The following PPP4R4 variants were observed in gnomAD, a reference collection of about 807,000 sequenced individuals.
PPP4R4 encodes the protein serine/threonine-protein phosphatase 4 regulatory subunit 4.
In PPP4R4, 70 loss-of-function variants were observed where a neutral mutation model predicts 121.8. The ratio of observed to expected loss-of-function variants is 0.57; its 90% CI spans 0.47 to 0.70. The LOEUF is 0.70. PPP4R4 is among the 30% of genes least tolerant of loss of function. PPP4R4 has a pLI of 0.00. For missense variants in PPP4R4, 875 were observed against 1,033.6 expected, an observed-to-expected ratio of 0.85 and a Z score of 2.10; for synonymous variants, 348 against 355.7, an observed-to-expected ratio of 0.98 and a Z score of 0.24.
At chr14:94,255,901 C>G (rs1398601126) in intron 16 of PPP4R4, among the ~76,000 whole-genome samples, 1 of 152,192 alleles carries the variant, frequency 6.6e-6, no homozygotes, top group Non-Finnish European at 1.5e-5. Context: ...ATTTACCACT[C>G]TGAGCTCTCC....
intron 2 of PPP4R4, among the ~76,000 whole-genome samples, chr14:94,181,254 AAGAG>A (rs934416640): frequency 3.3e-5 from 5 of 151,734 alleles, no homozygotes; most frequent in South Asian, 2.1e-4. Flanking sequence ...GAGAGAGAGA[AAGAG>A]AGAGGAAGAG....
intron 2 of PPP4R4, among the ~76,000 whole-genome samples, chr14:94,187,974 G>C (rs1342745629): frequency 6.6e-6 from 1 of 152,136 alleles, no homozygotes; most frequent in East Asian, 1.9e-4. Flanking sequence ...GGAAATACCT[G>C]CCAGGTTTCT....
At chr14:94,185,421 C>T (rs924981455) in intron 2 of PPP4R4, among the ~76,000 whole-genome samples, 4 of 152,080 alleles carry the variant, frequency 2.6e-5, no homozygotes, top group African/African-American at 4.8e-5. Context: ...GTGGGAGGAT[C>T]GCTTGCGCTC....
At chr14:94,209,609 T>G (rs1890637377) in intron 3 of PPP4R4, among the ~76,000 whole-genome samples, 1 of 152,096 alleles carries the variant, frequency 6.6e-6, no homozygotes, top group Admixed American at 6.6e-5. Flanking sequence ...TTATATCTGT[T>G]TTTCCCAGAA....
intron 2 of PPP4R4, among the ~76,000 whole-genome samples, chr14:94,194,237 T>C (rs1294943553): frequency 6.6e-6 from 1 of 152,332 alleles, no homozygotes; most frequent in Non-Finnish European, 1.5e-5. Context: ...TAGCCACTAG[T>C]GTACAGATTA....
chr14:94,270,098 T>A (rs1894249304), intron 23 of PPP4R4, among the ~76,000 whole-genome samples: 1 of 152,282 alleles, frequency 6.6e-6, no homozygotes, highest in East Asian at 1.9e-4. Flanking sequence ...AAATCAAAAC[T>A]GTTCTGAAAA....
At chr14:94,267,611 G>T (rs1161373876) in intron 23 of PPP4R4, among the ~76,000 whole-genome samples, 2 of 152,118 alleles carry the variant, frequency 1.3e-5, no homozygotes, top group Admixed American at 6.6e-5. Context: ...TAATTTGCTG[G>T]CCTCTGGTTT....
At chr14:94,215,255 G>A (rs993825278) in intron 3 of PPP4R4, among the ~76,000 whole-genome samples, 2 of 152,110 alleles carry the variant, frequency 1.3e-5, no homozygotes, top group East Asian at 1.9e-4. Flanking sequence ...CAGTGTTTAT[G>A]AATATTTTAT....
chr14:94,255,327 G>T (rs751797775), intron 16 of PPP4R4, among the ~76,000 whole-genome samples: 1 of 151,784 alleles, frequency 6.6e-6, no homozygotes, highest in African/African-American at 2.4e-5. Context: ...GACTGGGCGC[G>T]GTGGCTCCTG....
intron 12 of PPP4R4, 31 bp from the exon 13 acceptor site, chr14:94,245,556 C>T: frequency 8.0e-7 from 1 of 1,242,278 alleles, no homozygotes; most frequent in Non-Finnish European, 1.1e-6. Flanking sequence ...ATAGTAATCA[C>T]TATAACAGTA....
At chr14:94,230,547 T>C (rs760032640) in intron 3 of PPP4R4, 40 bp from the exon 4 acceptor site, 5 of 1,545,860 alleles carry the variant, frequency 3.2e-6, no homozygotes, top group Non-Finnish European at 3.5e-6. Context: ...ATTTGTGATC[T>C]CTCATCTATG....
intron 23 of PPP4R4, among the ~76,000 whole-genome samples, chr14:94,270,944 CAA>C (rs554119175): frequency 1.3e-5 from 2 of 149,566 alleles, no homozygotes; most frequent in Admixed American, 6.7e-5. Flanking sequence ...ACAACAACAA[CAA>C]AAAAAGACTC....
intron 12 of PPP4R4, 100 bp from the exon 13 acceptor site, chr14:94,245,487 A>G (rs1329758653): frequency 2.6e-5 from 13 of 503,120 alleles, no homozygotes; most frequent in South Asian, 1.2e-4. Context: ...ATTTGGGGGA[A>G]AAAAAAAAAC....
chr14:94,197,342 T>C (rs1889933417), intron 2 of PPP4R4, among the ~76,000 whole-genome samples: 1 of 152,220 alleles, frequency 6.6e-6, no homozygotes, highest in Non-Finnish European at 1.5e-5. Flanking sequence ...GCATGCATTT[T>C]TGGTTTGTGT....
At chr14:94,245,222 C>T (rs1892830608) in intron 12 of PPP4R4, among the ~76,000 whole-genome samples, 1 of 151,984 alleles carries the variant, frequency 6.6e-6, no homozygotes, top group South Asian at 2.1e-4. Flanking sequence ...GTTAGTTTGC[C>T]AAAGCGCAGC....
intron 3 of PPP4R4, among the ~76,000 whole-genome samples, chr14:94,229,481 C>T (rs1207943350): frequency 1.3e-5 from 2 of 151,936 alleles, no homozygotes; most frequent in East Asian, 1.9e-4. Flanking sequence ...AGTGAAGGTG[C>T]GAGCAACTGA....
intron 2 of PPP4R4, among the ~76,000 whole-genome samples, chr14:94,179,279 G>A (rs1242256308): frequency 6.6e-6 from 1 of 152,110 alleles, no homozygotes; most frequent in Non-Finnish European, 1.5e-5. Context: ...TGTATCTATG[G>A]ATTTGCCTAT....
intron 2 of PPP4R4, among the ~76,000 whole-genome samples, chr14:94,194,067 A>G (rs1036910973): frequency 6.6e-6 from 1 of 152,182 alleles, no homozygotes; most frequent in Non-Finnish European, 1.5e-5. Flanking sequence ...CAGTGGATTG[A>G]CTTGTTTTTC....
intron 2 of PPP4R4, among the ~76,000 whole-genome samples, chr14:94,180,875 T>TA (rs373245160): frequency 1.4e-4 from 21 of 152,242 alleles, no homozygotes; most frequent in African/African-American, 4.8e-4. Flanking sequence ...CCTAGTGATA[T>TA]GAAAGAGTGA....
Sources: gnomAD v4.1 joint callset for allele counts (sites outside exome capture counted in the v4.1 genomes callset) on GRCh38, gnomAD v4.1.1 for gene constraint, MANE v1.5 for transcripts, NCBI Gene and HGNC (gene_info 2026-07-23, HGNC 2026-07-21) for gene names.